RAB3C: variants seen among roughly 807,000 people sequenced by gnomAD.
The protein encoded by RAB3C is RAB3C, member RAS oncogene family.
A neutral mutation model predicts 26.4 loss-of-function variants in RAB3C; 17 were observed. The observed-to-expected ratio is 0.64, with a 90% CI of 0.44 to 0.97. The LOEUF (loss-of-function observed/expected upper bound fraction) is 0.97. RAB3C is among the 50% of genes least tolerant of loss of function. The pLI is 0.00. For synonymous variants in RAB3C, 91 were observed against 95.9 expected (o/e 0.95, Z 0.30); for missense variants, 242 against 281.9 (o/e 0.86, Z 1.01).
chr5:58,590,343 C>T (rs2111655585), intron 1 of RAB3C, among the ~76,000 whole-genome samples: 1 of 152,160 alleles, frequency 6.6e-6, no homozygotes, highest in Non-Finnish European at 1.5e-5. Flanking sequence ...TGAGGTTTCT[C>T]CGTCTCTCTC....
At chr5:58,754,602 G>A (rs1325380226) in intron 3 of RAB3C, among the ~76,000 whole-genome samples, 1 of 152,124 alleles carries the variant, frequency 6.6e-6, no homozygotes, top group Non-Finnish European at 1.5e-5. Flanking sequence ...CAGTTACCCA[G>A]TTACCGCAGA....
chr5:58,783,981 C>T (rs1201171468), intron 3 of RAB3C, among the ~76,000 whole-genome samples: 1 of 152,108 alleles, frequency 6.6e-6, no homozygotes, highest in Non-Finnish European at 1.5e-5. Flanking sequence ...AGCCAGGAAT[C>T]TGTGGGTGAG....
chr5:58,734,569 T>G (rs757215741), intron 3 of RAB3C, among the ~76,000 whole-genome samples: 10 of 152,132 alleles, frequency 6.6e-5, no homozygotes, highest in Non-Finnish European at 1.5e-4. Flanking sequence ...ATAACCCAAC[T>G]TAAACTCAAA....
At chr5:58,628,156 C>CAAAAA (rs58277302) in intron 2 of RAB3C, among the ~76,000 whole-genome samples, 17 of 71,466 alleles carry the variant, frequency 2.4e-4, no homozygotes, top group South Asian at 6.6e-4. Context: ...GACTCCGTCT[C>CAAAAA]AAAAAAAAAA....
intron 1 of RAB3C, among the ~76,000 whole-genome samples, chr5:58,613,630 A>G (rs1273034020): frequency 6.6e-6 from 1 of 152,142 alleles, no homozygotes. Flanking sequence ...GAAGAAACCT[A>G]TGTTCATAAC....
At chr5:58,593,061 A>T (rs1746172730) in intron 1 of RAB3C, among the ~76,000 whole-genome samples, 1 of 152,090 alleles carries the variant, frequency 6.6e-6, no homozygotes, top group Admixed American at 6.6e-5. Flanking sequence ...TAGAATTCTA[A>T]TATCATCCCA....
chr5:58,810,415 G>A (rs1743049437), intron 3 of RAB3C, among the ~76,000 whole-genome samples: 3 of 149,466 alleles, frequency 2.0e-5, no homozygotes, highest in Non-Finnish European at 4.4e-5. Context: ...GTGTGTGTGT[G>A]TTTTCTTAGA....
chr5:58,669,631 G>A (rs1317365410), intron 2 of RAB3C, among the ~76,000 whole-genome samples: 1 of 152,142 alleles, frequency 6.6e-6, no homozygotes, highest in African/African-American at 2.4e-5. Context: ...CTAGTAACTC[G>A]TTTTTAAATT....
At chr5:58,641,645 G>A (rs1176971908) in intron 2 of RAB3C, among the ~76,000 whole-genome samples, 1 of 152,162 alleles carries the variant, frequency 6.6e-6, no homozygotes, top group Admixed American at 6.5e-5. Flanking sequence ...AACAAAACAA[G>A]CAAACAAACC....
chr5:58,798,464 T>A (rs1024478858), intron 3 of RAB3C, among the ~76,000 whole-genome samples: 1 of 152,076 alleles, frequency 6.6e-6, no homozygotes, highest in African/African-American at 2.4e-5. Context: ...AGGTTGAGCA[T>A]CCCTAAACCA....
intron 3 of RAB3C, chr5:58,823,144 G>A (rs191223568): frequency 2.6e-6 from 1 of 380,552 alleles, no homozygotes; most frequent in African/African-American, 2.1e-5. Context: ...ATTACCTAAT[G>A]GAAGCAGATG....
chr5:58,733,005 C>T (rs1741059334), intron 3 of RAB3C, among the ~76,000 whole-genome samples: 2 of 152,134 alleles, frequency 1.3e-5, no homozygotes, highest in African/African-American at 4.8e-5. Flanking sequence ...TTCTGAGAAA[C>T]TTTTCTTAAT....
chr5:58,845,037 T>C (rs970046571), intron 4 of RAB3C, among the ~76,000 whole-genome samples: 2 of 152,188 alleles, frequency 1.3e-5, no homozygotes, highest in African/African-American at 4.8e-5. Context: ...GGTGGTTAAG[T>C]GTGCAATACT....
chr5:58,727,671 A>G (rs188256851), intron 3 of RAB3C, among the ~76,000 whole-genome samples: 109 of 152,148 alleles, frequency 7.2e-4, no homozygotes, highest in African/African-American at 2.5e-3. Flanking sequence ...TAATTGCCAC[A>G]GATAGCCTGA....
intron 3 of RAB3C, among the ~76,000 whole-genome samples, chr5:58,737,344 A>G (rs1217957739): frequency 1.5e-5 from 2 of 136,854 alleles, no homozygotes; most frequent in Non-Finnish European, 3.1e-5. Flanking sequence ...AGTCCTTTCT[A>G]TTCCCTTTCT....
intron 3 of RAB3C, among the ~76,000 whole-genome samples, chr5:58,768,836 G>A (rs1052173314): frequency 6.6e-6 from 1 of 152,124 alleles, no homozygotes; most frequent in Non-Finnish European, 1.5e-5. Flanking sequence ...TTCTGTGTGT[G>A]ATGGGAAGCT....
chr5:58,649,269 G>A lies in RAB3C; in HGVS notation c.252+31399G>A, dbSNP rs188496893. ...AGACATTGTTTCAAAGTTCTGCCTGGAATCCCTTCTGATTAGTTGATGCCT... is the reference window on the plus strand; with the variant it reads ...AGACATTGTTTCAAAGTTCTGCCTGAAATCCCTTCTGATTAGTTGATGCCT... On this transcript the variant is annotated intron_variant, in intron 2 of 4. Transcript: ENST00000282878. Among the ~76,000 whole-genome samples the A allele has an allele frequency of 2.0e-5, 3 of 151,994 alleles. No homozygotes were observed. In the East Asian group the frequency reaches 5.8e-4, roughly 29 times the overall value.
Position 58,785,409 on chromosome 5 carries a change from T to A in RAB3C, c.372-39629T>A, listed in dbSNP as rs991138726. Among the ~76,000 whole-genome samples, 9 of 152,342 alleles carry A rather than the reference T, an allele frequency of 5.9e-5. No individual in the cohort carries two copies. In the South Asian group the frequency reaches 8.3e-4, roughly 14 times the overall value. On this transcript the variant is annotated intron_variant, in intron 3 of 4. Coordinates refer to ENST00000282878, the MANE Select transcript of RAB3C (RefSeq NM_138453.4). ...AAATTATTTAACCTCTCTGAGCCTATTTTTCTTTTGGTAAAAATTTGCCCT... is the reference window on the plus strand; with the variant it reads ...AAATTATTTAACCTCTCTGAGCCTAATTTTCTTTTGGTAAAAATTTGCCCT...
intron 1 of RAB3C, among the ~76,000 whole-genome samples, chr5:58,607,845 T>G (rs1746606410): frequency 6.6e-6 from 1 of 151,970 alleles, no homozygotes; most frequent in Non-Finnish European, 1.5e-5. Flanking sequence ...ATAAAATCCT[T>G]TACAGACAAG....
Sources: gnomAD v4.1 joint callset for allele counts (sites outside exome capture counted in the v4.1 genomes callset) on GRCh38, gnomAD v4.1.1 for gene constraint, MANE v1.5 for transcripts, NCBI Gene and HGNC (gene_info 2026-07-23, HGNC 2026-07-21) for gene names.